The following MCM9 variants were observed in gnomAD, a reference collection of about 807,000 sequenced individuals.
MCM9 encodes the protein DNA helicase MCM9.
In MCM9, 55 loss-of-function variants were observed where a neutral mutation model predicts 72.8. The observed-to-expected ratio is 0.76, with a 90% CI of 0.61 to 0.95. The LOEUF is 0.95. Among genes scored for constraint, MCM9 ranks in the 40% least tolerant of loss-of-function variants. The probability of loss-of-function intolerance (pLI) is 0.00; values close to 1 mark genes in which losing one functional copy is unlikely to be tolerated. For synonymous variants in MCM9, 480 were observed against 503.4 expected, an observed-to-expected ratio of 0.95 and a Z score of 0.62; for missense variants, 1,279 against 1,377.0, an observed-to-expected ratio of 0.93 and a Z score of 1.13.
chr6:118,932,200 T>C (rs1256910358), intron 2 of MCM9, among the ~76,000 whole-genome samples: 1 of 152,198 alleles, frequency 6.6e-6, no homozygotes, highest in Admixed American at 6.5e-5. Flanking sequence ...AATGATATGA[T>C]GTACAGGTTT....
intron 9 of MCM9, among the ~76,000 whole-genome samples, chr6:118,846,119 T>TA (rs1562408328): frequency 6.6e-6 from 1 of 151,800 alleles, no homozygotes; most frequent in Admixed American, 6.6e-5. Context: ...AGAATAACTT[T>TA]AAAAAATGAA....
At chr6:118,837,130 A>T in intron 9 of MCM9, among the ~76,000 whole-genome samples, 1 of 152,124 alleles carries the variant, frequency 6.6e-6, no homozygotes, top group East Asian at 1.9e-4. Context: ...TTCGTTATTT[A>T]CCCAGTAGTC....
intron 8 of MCM9, chr6:118,908,782 A>G (rs1436755144): frequency 6.6e-6 from 1 of 152,638 alleles, no homozygotes; most frequent in Non-Finnish European, 1.5e-5. Context: ...TTGAGGTAGA[A>G]TATTTTCATT....
At chr6:118,835,107 T>A (rs868723653) in intron 9 of MCM9, among the ~76,000 whole-genome samples, 3 of 152,336 alleles carry the variant, frequency 2.0e-5, no homozygotes, top group Middle Eastern at 3.4e-3. Context: ...ACATGAGGAA[T>A]AATTTCCCCA....
chr6:118,826,037 A>AC, intron 13 of MCM9, 110 bp downstream of exon 13: 3 of 1,200,628 alleles, frequency 2.5e-6, no homozygotes, highest in Non-Finnish European at 3.5e-6. Flanking sequence ...GAACTTACTG[A>AC]CCCAACACCT....
At chr6:118,918,848 C>T (rs540539897) in intron 5 of MCM9, 1 of 152,282 alleles carries the variant, frequency 6.6e-6, no homozygotes, top group South Asian at 2.1e-4. Flanking sequence ...ATCTGCATAG[C>T]TTTTGATTTC....
In MCM9 at chr6:118,931,734, G is replaced by C. The variant is rs1308176894; in HGVS notation, c.-11C>G. On this transcript the variant is annotated 5_prime_UTR_variant, in exon 3 of 14. Coordinates refer to ENST00000619706, the MANE Select transcript of MCM9 (RefSeq NM_017696.3). ...TTGATCGCTATTCATCTTGAATCTA[G>C]GTAACTAAAGAAAAAAAAAAGGATC... 4 of 1,570,498 alleles carry C rather than the reference G, an allele frequency of 2.5e-6. No individual in the cohort carries two copies. Among genetic ancestry groups the C allele is most frequent in the Non-Finnish European group, 3.5e-6 (4 of 1,158,892 alleles).
At chr6:118,848,769 A>G (rs1776041531) in intron 9 of MCM9, among the ~76,000 whole-genome samples, 1 of 152,022 alleles carries the variant, frequency 6.6e-6, no homozygotes, top group African/African-American at 2.4e-5. Flanking sequence ...ACTAAAACAC[A>G]AAAAAGTAGC....
At chr6:118,894,198 G>C (rs1779176921) in intron 8 of MCM9, 5 of 1,372,280 alleles carry the variant, frequency 3.6e-6, no homozygotes, top group Non-Finnish European at 9.4e-7. Context: ...ACTTATCAGA[G>C]CAGAATGGGC....
intron 4 of MCM9, among the ~76,000 whole-genome samples, chr6:118,922,575 C>G (rs754709986): frequency 2.0e-5 from 3 of 152,138 alleles, no homozygotes; most frequent in Non-Finnish European, 4.4e-5. Context: ...GAACTCTGAC[C>G]AATGAGATAT....
chr6:118,893,551 C>T (rs554835486), intron 8 of MCM9, among the ~76,000 whole-genome samples: 1 of 152,278 alleles, frequency 6.6e-6, no homozygotes, highest in African/African-American at 2.4e-5. Context: ...TGTAGAAAAT[C>T]ATTCCTCGCC....
At chr6:118,875,325 C>G (rs1329021698) in intron 8 of MCM9, among the ~76,000 whole-genome samples, 3 of 152,174 alleles carry the variant, frequency 2.0e-5, no homozygotes. Context: ...TCTACAGATT[C>G]AACCCAAGCT....
rs1304377946 is a variant in MCM9 at position 118,911,806 on chromosome 6, A to C, written c.1031-37T>G. ...CAAATACATGAAGTTTTAAATTTCTATAAAAGGGTCCATTTGGAATGCCAA... is the reference window on the plus strand; with the variant it reads ...CAAATACATGAAGTTTTAAATTTCTCTAAAAGGGTCCATTTGGAATGCCAA... On this transcript the variant is annotated intron_variant, in intron 7 of 13. Coordinates refer to ENST00000619706, the MANE Select transcript of MCM9 (RefSeq NM_017696.3). 3.3e-6 allele frequency: 5 copies of C among 1,513,342 alleles called. No individual in the cohort carries two copies. In the East Asian group the frequency reaches 9.0e-5, roughly 27 times the overall value. The allele number at this position is 1,513,342 out of a possible 1,614,324, so 93.7% of individuals were successfully genotyped here.
At chr6:118,886,296 A>G (rs140012110) in intron 8 of MCM9, among the ~76,000 whole-genome samples, 1,578 of 152,188 alleles carry the variant, frequency 0.01, 29 homozygotes, top group African/African-American at 0.036. Flanking sequence ...CTGTCACTAT[A>G]TCTATTCAAC....
At chr6:118,894,612 G>A in intron 8 of MCM9, 1 of 1,169,244 alleles carries the variant, frequency 8.6e-7, no homozygotes, top group Non-Finnish European at 1.2e-6. Context: ...GGGCGGCTGT[G>A]TTCGGCGCCT....
chr6:118,852,736 C>T (rs1771769), intron 9 of MCM9, among the ~76,000 whole-genome samples: 8,772 of 152,126 alleles, frequency 0.058, 368 homozygotes, highest in East Asian at 0.19. Context: ...TTAAAATTAA[C>T]GGTTATGTGG....
intron 1 of MCM9, among the ~76,000 whole-genome samples, chr6:118,933,356 A>T (rs1782599514): frequency 6.6e-6 from 1 of 151,998 alleles, no homozygotes; most frequent in African/African-American, 2.4e-5. Flanking sequence ...TACAAAAAAA[A>T]TTAGCTGGGC....
chr6:118,876,264 G>A (rs980141889), intron 8 of MCM9, among the ~76,000 whole-genome samples: 7 of 152,140 alleles, frequency 4.6e-5, no homozygotes, highest in Non-Finnish European at 1.0e-4. Flanking sequence ...GATCACAGAG[G>A]ATTTGGGGGC....
chr6:118,910,005 TACTC>T (rs369192733), intron 8 of MCM9, among the ~76,000 whole-genome samples: 2,181 of 151,586 alleles, frequency 0.014, 27 homozygotes, highest in Non-Finnish European at 0.021. Context: ...TAATCCCAGT[TACTC>T]AGGAGGCTGA....
Sources: gnomAD v4.1 joint callset for allele counts (sites outside exome capture counted in the v4.1 genomes callset) on GRCh38, gnomAD v4.1.1 for gene constraint, MANE v1.5 for transcripts, NCBI Gene and HGNC (gene_info 2026-07-23, HGNC 2026-07-21) for gene names.